UGGT2: variants seen among roughly 807,000 people sequenced by gnomAD.
UGGT2 encodes UDP-glucose:glycoprotein glucosyltransferase 2.
Under a neutral mutation model 192.1 loss-of-function variants are expected in UGGT2, and 180 were observed. The ratio of observed to expected loss-of-function variants is 0.94; its 90% CI spans 0.83 to 1.06. The LOEUF (loss-of-function observed/expected upper bound fraction) is 1.06, where lower values mean the gene tolerates loss of function less well. Ranked by LOEUF, UGGT2 falls within the 50% of genes least tolerant of loss-of-function variation. UGGT2 has a pLI of 0.00. For synonymous variants in UGGT2, 580 were observed against 591.0 expected, an observed-to-expected ratio of 0.98 and a Z score of 0.27; for missense variants, 1,849 against 1,795.7, an observed-to-expected ratio of 1.03 and a Z score of -0.54.
chr13:95,928,398 C>T (rs896807168), intron 17 of UGGT2, among the ~76,000 whole-genome samples: 7 of 91,506 alleles, frequency 7.6e-5, no homozygotes, highest in East Asian at 3.3e-4. Context: ...ACTTCCCGGA[C>T]GGGGCGGCTG....
At chr13:95,868,703 A>G (rs1400738926) in intron 29 of UGGT2, among the ~76,000 whole-genome samples, 1 of 152,180 alleles carries the variant, frequency 6.6e-6, no homozygotes, top group African/African-American at 2.4e-5. Flanking sequence ...ACAAAACACT[A>G]CTTAAGGGCA....
At chr13:95,983,511 C>A in intron 10 of UGGT2, 1 of 475,878 alleles carries the variant, frequency 2.1e-6, no homozygotes. Flanking sequence ...AAACTAATTA[C>A]AAGAAACAGA....
chr13:95,921,200 G>C (rs550523005), intron 20 of UGGT2, among the ~76,000 whole-genome samples: 4 of 152,178 alleles, frequency 2.6e-5, no homozygotes, highest in Admixed American at 2.0e-4. Flanking sequence ...TTGGGGGTAG[G>C]GGGTGTGGGG....
intron 1 of UGGT2, 128 bp downstream of exon 1, chr13:96,053,027 A>T (rs925635470): frequency 3.1e-6 from 4 of 1,276,744 alleles, no homozygotes; most frequent in Non-Finnish European, 4.1e-6. Context: ...GGTGATGCTC[A>T]GGGCCAGAGC....
intron 38 of UGGT2, among the ~76,000 whole-genome samples, chr13:95,826,490 T>C (rs982981812): frequency 5.9e-5 from 9 of 152,080 alleles, no homozygotes; most frequent in Non-Finnish European, 1.3e-4. Context: ...AGCTGAAACA[T>C]TACTACAACC....
At chr13:95,991,628 A>T (rs1423023318) in intron 7 of UGGT2, among the ~76,000 whole-genome samples, 2 of 152,206 alleles carry the variant, frequency 1.3e-5, no homozygotes, top group Non-Finnish European at 2.9e-5. Flanking sequence ...TGATAATAAA[A>T]GTACAATGGC....
At chr13:95,851,914 G>A (rs892943997) in intron 36 of UGGT2, among the ~76,000 whole-genome samples, 3 of 151,874 alleles carry the variant, frequency 2.0e-5, no homozygotes, top group Non-Finnish European at 4.4e-5. Context: ...AAATACATTG[G>A]TAAAATTATT....
At chr13:95,974,207 G>A (rs2050866383) in intron 10 of UGGT2, among the ~76,000 whole-genome samples, 1 of 152,154 alleles carries the variant, frequency 6.6e-6, no homozygotes. Flanking sequence ...GATATGAAAA[G>A]GTTCAGAGGT....
intron 27 of UGGT2, among the ~76,000 whole-genome samples, chr13:95,881,158 T>C (rs1005904761): frequency 6.6e-6 from 1 of 152,108 alleles, no homozygotes; most frequent in Admixed American, 6.5e-5. Context: ...GCCACTGCAC[T>C]CCAGTCTGGG....
Position 95,867,323 on chromosome 13 carries a change from T to C in UGGT2, c.3558+16A>G. ...TATTAAGAACAAAGCCTATAAAAAG[T>C]TCTGCCCCCACATACTTTTACTTTG... On this transcript the variant is annotated intron_variant, in intron 30 of 38. Transcript: ENST00000376747. The C allele has an allele frequency of 6.3e-7, 1 of 1,588,472 alleles. No homozygotes were observed. The highest frequency in any genetic ancestry group is 8.6e-7 in the Non-Finnish European group (1 of 1,167,016).
chr13:96,049,532 T>C (rs1296779858), intron 1 of UGGT2, among the ~76,000 whole-genome samples: 2 of 152,120 alleles, frequency 1.3e-5, no homozygotes, highest in Non-Finnish European at 2.9e-5. Context: ...AAAGAGGAAG[T>C]CAAATTGTCC....
intron 16 of UGGT2, among the ~76,000 whole-genome samples, chr13:95,938,267 GGAGTTAGA>G (rs1013760000): frequency 1.3e-5 from 2 of 152,116 alleles, no homozygotes; most frequent in Non-Finnish European, 2.9e-5. Context: ...TGTCAGATAC[GGAGTTAGA>G]GAGGGGTGTA....
intron 36 of UGGT2, among the ~76,000 whole-genome samples, chr13:95,837,751 C>T (rs1172840466): frequency 6.6e-6 from 1 of 152,172 alleles, no homozygotes; most frequent in African/African-American, 2.4e-5. Context: ...AAATCTTCCC[C>T]AGAGATATTT....
intron 38 of UGGT2, among the ~76,000 whole-genome samples, chr13:95,813,460 C>A (rs1430178130): frequency 1.3e-5 from 2 of 152,144 alleles, no homozygotes; most frequent in African/African-American, 4.8e-5. Flanking sequence ...GAAGAAATTT[C>A]TAAGCAGTAA....
chr13:96,000,112 A>G (rs2051750604), intron 5 of UGGT2, among the ~76,000 whole-genome samples: 1 of 152,186 alleles, frequency 6.6e-6, no homozygotes, highest in Admixed American at 6.5e-5. Flanking sequence ...TACTGCAACC[A>G]TTATCATTTG....
At chr13:95,812,890 G>T (rs1042326062) in intron 38 of UGGT2, among the ~76,000 whole-genome samples, 1 of 152,116 alleles carries the variant, frequency 6.6e-6, no homozygotes, top group Non-Finnish European at 1.5e-5. Context: ...GCTGATTGCC[G>T]TGATGGATGC....
intron 36 of UGGT2, among the ~76,000 whole-genome samples, chr13:95,842,647 A>G (rs925022928): frequency 2.0e-5 from 3 of 152,190 alleles, no homozygotes; most frequent in Non-Finnish European, 2.9e-5. Context: ...AGACTAGACT[A>G]TAACAGACTG....
intron 38 of UGGT2, among the ~76,000 whole-genome samples, chr13:95,816,893 G>T (rs1313769950): frequency 2.6e-5 from 4 of 151,846 alleles, no homozygotes; most frequent in Non-Finnish European, 5.9e-5. Context: ...TTGGGAGGCC[G>T]AGGCAGGTGG....
intron 23 of UGGT2, 111 bp from the exon 24 acceptor site, chr13:95,894,768 C>G (rs943328823): frequency 1.2e-6 from 1 of 831,400 alleles, no homozygotes; most frequent in African/African-American, 1.7e-5. Context: ...GTTAAATCTA[C>G]CAAAGTAGAC....
Sources: gnomAD v4.1 joint callset for allele counts (sites outside exome capture counted in the v4.1 genomes callset) on GRCh38, gnomAD v4.1.1 for gene constraint, MANE v1.5 for transcripts, NCBI Gene and HGNC (gene_info 2026-07-23, HGNC 2026-07-21) for gene names.